MYLK2: variants seen among roughly 807,000 people sequenced by gnomAD.
The protein encoded by MYLK2 is myosin light chain kinase 2, skeletal/cardiac muscle.
Under a neutral mutation model 58.2 loss-of-function variants are expected in MYLK2, and 27 were observed. The observed-to-expected ratio is 0.46, with a 90% CI of 0.34 to 0.64. The LOEUF is 0.64. Among genes scored for constraint, MYLK2 ranks in the 30% least tolerant of loss-of-function variants. MYLK2 has a pLI of 0.01. For missense variants in MYLK2, 676 were observed against 764.3 expected (o/e 0.88, Z 1.36); for synonymous variants, 310 against 296.7 (o/e 1.04, Z -0.46).
chr20:31,824,406 G>A, intron 6 of MYLK2, 54 bp downstream of exon 6: 2 of 1,573,416 alleles, frequency 1.3e-6, no homozygotes, highest in Non-Finnish European at 1.7e-6. Context: ...GATCCTTGGA[G>A]TGGGCACCTC....
intron 8 of MYLK2, chr20:31,828,367 C>G (rs1475416636): frequency 1.0e-6 from 1 of 985,182 alleles, no homozygotes; most frequent in Admixed American, 6.2e-5. Context: ...AATGTGGAGG[C>G]GCGTGAGCAC....
Position 31,831,788 on chromosome 20 carries a change from G to C in MYLK2, c.1510G>C (p.Glu504Gln), listed in dbSNP as rs564539888. Residue 504 changes from glutamate to glutamine, a missense_variant, in exon 11 of 13, where the codon GAG (glutamate) becomes CAG (glutamine). By Grantham distance (29) the Glu-to-Gln change is conservative (BLOSUM62 2). This residue lies in a region of MYLK2 where 370 missense variants were observed against 467.8 expected (regional missense o/e 0.79). Coordinates refer to ENST00000375985, the MANE Select transcript of MYLK2 (RefSeq NM_033118.4). ...ATCTGGCAACTGGTACTTTGATGAAGAGACCTTTGAGGCCGTATCAGACGA... is the reference window on the plus strand; with the variant it reads ...ATCTGGCAACTGGTACTTTGATGAACAGACCTTTGAGGCCGTATCAGACGA... ...VLSGNWYFDE[E>Q]TFEAVSDEAK... 1.3e-5 allele frequency: 21 copies of C among 1,614,124 alleles called. No homozygotes were observed. In the African/African-American group the frequency reaches 1.3e-4, roughly 10 times the overall value.
chr20:31,829,085 TGGG>T (rs1256934480), intron 8 of MYLK2, among the ~76,000 whole-genome samples: 2 of 152,228 alleles, frequency 1.3e-5, no homozygotes, highest in East Asian at 3.9e-4. Context: ...TTCACTGAGC[TGGG>T]GGCAGTTGGT....
intron 10 of MYLK2, among the ~76,000 whole-genome samples, chr20:31,831,423 C>T (rs1177585199): frequency 6.6e-6 from 1 of 152,036 alleles, no homozygotes; most frequent in Non-Finnish European, 1.5e-5. Flanking sequence ...CCTATGTGCT[C>T]ACCACATACC....
chr20:31,821,032 C>T (rs1406909480), intron 3 of MYLK2, among the ~76,000 whole-genome samples: 1 of 152,138 alleles, frequency 6.6e-6, no homozygotes, highest in Non-Finnish European at 1.5e-5. Context: ...TAATATAGCA[C>T]ATGTGTGATG....
rs1271337995 is a variant in MYLK2, at chr20:31,823,544, C to T, written c.840C>T (p.Ser280=). 6.2e-7 allele frequency: 1 copy of T among 1,613,934 alleles called. No homozygotes were observed. The highest frequency in any genetic ancestry group is 2.2e-5 in the East Asian group (1 of 44,878). Residue 280 remains serine, a synonymous_variant, in exon 5 of 13, where the codon AGC becomes AGT. Transcript: ENST00000375985. Reference sequence around the variant, plus strand: ...TGGAGCTGAGGACCGGGAATGTCAGCAGTGAATTCAGTATGAACTCCAAGG... The same window carrying T: ...TGGAGCTGAGGACCGGGAATGTCAGTAGTGAATTCAGTATGAACTCCAAGG... ...RMVELRTGNV[S]SEFSMNSKEA...
In MYLK2 at chr20:31,831,864, C is replaced by A; in HGVS notation, c.1577+9C>A. On this transcript the variant is annotated intron_variant, in intron 11 of 12. Coordinates refer to ENST00000375985, the MANE Select transcript of MYLK2 (RefSeq NM_033118.4). ...ATCGTCAAGGACCAGAGGTGAGGCT[C>A]ACCCCAGAACCTGAACTGTATGTGT... 6.2e-7 allele frequency: 1 copy of A among 1,614,138 alleles called. No homozygotes were observed. The highest frequency in any genetic ancestry group is 8.5e-7 in the Non-Finnish European group (1 of 1,180,038).
At chr20:31,819,746 C>G (rs551580125) in intron 2 of MYLK2, 114 bp downstream of exon 2, 2 of 1,259,992 alleles carry the variant, frequency 1.6e-6, no homozygotes, top group East Asian at 2.5e-5. Flanking sequence ...TTGCATGGTG[C>G]ACGGGGGACC....
At chr20:31,825,867 G>A (rs768991416) in intron 6 of MYLK2, among the ~76,000 whole-genome samples, 20 of 152,168 alleles carry the variant, frequency 1.3e-4, no homozygotes, top group Admixed American at 5.2e-4. Context: ...TCAGCCTACC[G>A]ATGTGACAGC....
chr20:31,830,485 G>A (rs904289169), intron 8 of MYLK2, among the ~76,000 whole-genome samples: 11 of 152,186 alleles, frequency 7.2e-5, no homozygotes, highest in Non-Finnish European at 1.3e-4. Flanking sequence ...GGCGGGGATA[G>A]CAGGCTGTCA....
rs973371846 is a variant in MYLK2 at position 31,833,769 on chromosome 20, C to T, written c.1763C>T (p.Ser588Leu). The T allele has an allele frequency of 1.9e-6, 3 of 1,613,474 alleles. No individual in the cohort carries two copies. Among genetic ancestry groups the T allele is most frequent in the Middle Eastern group, 1.6e-4 (1 of 6,078 alleles). Residue 588 changes from serine (S) to leucine (L), a missense_variant, in exon 13 of 13, where the codon TCG becomes TTG. Around this residue, in one of 2 missense-constraint regions of MYLK2, gnomAD observed 370 missense variants for 467.8 expected, o/e 0.79. Transcript: ENST00000375985. ...AANRFKKISSSGALMALGV is the reference protein window; with the variant it reads ...AANRFKKISSLGALMALGV ...AACCGCTTCAAGAAGATCAGCAGCT[C>T]GGGGGCACTGATGGCTCTGGGGGTC...
At position 31,819,424 on chromosome 20, in the gene MYLK2, T is replaced by C; in HGVS notation, c.-53T>C. The C allele has an allele frequency of 3.0e-6, 3 of 1,016,004 alleles. No homozygotes were observed. Among genetic ancestry groups the C allele is most frequent in the Non-Finnish European group, 4.5e-6 (3 of 669,780 alleles). 62.9% of individuals were successfully genotyped at this position (1,016,004 alleles called of 1,614,324 possible). ...CGGCAACCAGGTTGCCCCTCTTTGC[T>C]CCAGGTACCTCTCTCCCCTCAGTTA... On this transcript the variant is annotated 5_prime_UTR_variant, in exon 1 of 13. Coordinates refer to ENST00000375985, the MANE Select transcript of MYLK2 (RefSeq NM_033118.4).
chr20:31,829,919 G>A (rs1179486616), intron 8 of MYLK2, among the ~76,000 whole-genome samples: 1 of 152,190 alleles, frequency 6.6e-6, no homozygotes, highest in African/African-American at 2.4e-5. Context: ...GCCCCTACTG[G>A]GTGCCTTTGT....
At chr20:31,832,280 T>A in intron 12 of MYLK2, 144 bp downstream of exon 12, 1 of 1,240,242 alleles carries the variant, frequency 8.1e-7, no homozygotes, top group African/African-American at 1.5e-5. Flanking sequence ...GACTTTTCTG[T>A]TTTTGCCCTG....
chr20:31,832,333 C>T (rs561864902), intron 12 of MYLK2, among the ~76,000 whole-genome samples, 197 bp downstream of exon 12: 1 of 152,252 alleles, frequency 6.6e-6, no homozygotes, highest in South Asian at 2.1e-4. Flanking sequence ...CCCGGCCTTC[C>T]ACCCAGCCCC....
At chr20:31,822,390 A>G (rs2062255554) in intron 4 of MYLK2, among the ~76,000 whole-genome samples, 1 of 152,128 alleles carries the variant, frequency 6.6e-6, no homozygotes, top group Non-Finnish European at 1.5e-5. Flanking sequence ...TGGGAGCTAT[A>G]GAGGGCTCAT....
In MYLK2 at chr20:31,819,384, C is replaced by A; in HGVS notation, c.-93C>A. On this transcript the variant is annotated 5_prime_UTR_variant, in exon 1 of 13. Transcript: ENST00000375985. ...ACTGCCCAGGACTGCTCCTGAGCAG[C>A]CGCTGGGAGACAGACGGCAACCAGG... 2.9e-6 allele frequency: 2 copies of A among 690,758 alleles called. No homozygotes were observed. The highest frequency in any genetic ancestry group is 1.6e-5 in the South Asian group (1 of 61,384). 42.8% of individuals were successfully genotyped at this position (690,758 alleles called of 1,614,324 possible). A position where few individuals can be genotyped will look rare whatever the true frequency, so the allele number is the denominator to read the frequency against.
intron 8 of MYLK2, chr20:31,828,331 C>T: frequency 5.1e-6 from 5 of 985,328 alleles, no homozygotes; most frequent in South Asian, 9.4e-5. Context: ...TAATGCTGTG[C>T]GTTAAGTGGC....
chr20:31,833,172 C>T (rs533574230), intron 12 of MYLK2, among the ~76,000 whole-genome samples: 1 of 152,164 alleles, frequency 6.6e-6, no homozygotes. Context: ...GCCCAGCCTG[C>T]ACTTCTAAAT....
Sources: gnomAD v4.1 joint callset for allele counts (sites outside exome capture counted in the v4.1 genomes callset) on GRCh38, gnomAD v4.1.1 for gene constraint, gnomAD v4.1.1 regional missense constraint, MANE v1.5 for transcripts, NCBI Gene and HGNC (gene_info 2026-07-23, HGNC 2026-07-21) for gene names.